Variants in PRKAR2A observed in about 807,000 individuals in gnomAD.
PRKAR2A encodes protein kinase cAMP-dependent type II regulatory subunit alpha.
A neutral mutation model predicts 51.9 loss-of-function variants in PRKAR2A; 29 were observed. The ratio of observed to expected loss-of-function variants is 0.56; its 90% CI spans 0.42 to 0.76. PRKAR2A has a LOEUF of 0.76. Among genes scored for constraint, PRKAR2A ranks in the 30% least tolerant of loss-of-function variants. PRKAR2A has a pLI of 0.00. For synonymous variants in PRKAR2A, 178 were observed against 186.2 expected, an observed-to-expected ratio of 0.96 and a Z score of 0.36; for missense variants, 445 against 512.1, an observed-to-expected ratio of 0.87 and a Z score of 1.26.
intron 6 of PRKAR2A, among the ~76,000 whole-genome samples, chr3:48,769,381 T>G (rs2081991459): frequency 6.6e-6 from 1 of 151,696 alleles, no homozygotes; most frequent in Non-Finnish European, 1.5e-5. Context: ...ATGGTCTCAA[T>G]CTCCTGACCT....
At position 48,835,064 on chromosome 3, in the gene PRKAR2A, C is replaced by T. The variant is rs201735396; in HGVS notation, c.262+12271G>A. Among the ~76,000 whole-genome samples, 35 of 151,768 alleles carry T rather than the reference C, an allele frequency of 2.3e-4. No homozygotes were observed. The East Asian group carries it at 6.7e-3, about 29-fold the overall frequency. ...TCAGGTCACTGCAATTTCCGCCTCC[C>T]GGGTTCAAGTGGTCTTCCCACCTCA... On this transcript the variant is annotated intron_variant, in intron 1 of 10. Coordinates refer to ENST00000265563, the MANE Select transcript of PRKAR2A (RefSeq NM_004157.4).
At chr3:48,811,005 C>T (rs527946112) in intron 1 of PRKAR2A, among the ~76,000 whole-genome samples, 5 of 151,848 alleles carry the variant, frequency 3.3e-5, no homozygotes, top group Admixed American at 6.6e-5. Flanking sequence ...AGAAAGACCC[C>T]GTGTCTTTAC....
rs1219139498 is a variant in PRKAR2A, at chr3:48,750,355, C to T, written c.*1230G>A. ...TCCAGCCTGGGCAACAAGAGCGAAA[C>T]TCCGTCTCAAAAAGAAAACAAAAAA... is the stretch of plus-strand genomic sequence containing the variant. On this transcript the variant is annotated 3_prime_UTR_variant, in exon 11 of 11. Transcript: ENST00000265563. 6.6e-6 allele frequency: 1 copy of T among 152,654 alleles called. No homozygotes were observed. The highest frequency in any genetic ancestry group is 1.5e-5 in the Non-Finnish European group (1 of 68,484). The allele number at this position is 152,654 out of a possible 1,614,324, so 9.5% of individuals were successfully genotyped here. A position where few individuals can be genotyped will look rare whatever the true frequency, so the allele number is the denominator to read the frequency against.
intron 2 of PRKAR2A, among the ~76,000 whole-genome samples, chr3:48,795,121 C>A (rs898875524): frequency 3.9e-5 from 6 of 151,966 alleles, no homozygotes; most frequent in Non-Finnish European, 8.8e-5. Flanking sequence ...GGACTACAGG[C>A]GCCTGCAACC....
chr3:48,834,159 CAGA>C (rs1402074471), intron 1 of PRKAR2A, among the ~76,000 whole-genome samples: 4 of 152,092 alleles, frequency 2.6e-5, no homozygotes, highest in South Asian at 4.2e-4. Context: ...AGTAAAAGCT[CAGA>C]AGGAGAGGAA....
chr3:48,840,879 C>CTTT (rs998914309), intron 1 of PRKAR2A, among the ~76,000 whole-genome samples: 16 of 100,752 alleles, frequency 1.6e-4, no homozygotes, highest in Non-Finnish European at 2.4e-4. Flanking sequence ...CCTGGCCCAC[C>CTTT]TTTTTTTTTT....
At chr3:48,760,245 T>A (rs1050895003) in intron 8 of PRKAR2A, among the ~76,000 whole-genome samples, 1 of 152,040 alleles carries the variant, frequency 6.6e-6, no homozygotes, top group Non-Finnish European at 1.5e-5. Context: ...TAGTTCCAGC[T>A]ACTCGGGAGG....
intron 1 of PRKAR2A, among the ~76,000 whole-genome samples, chr3:48,819,315 C>G (rs925041113): frequency 6.6e-6 from 1 of 152,208 alleles, no homozygotes; most frequent in African/African-American, 2.4e-5. Flanking sequence ...AACGCCCACC[C>G]TCAAACATTT....
In PRKAR2A at chr3:48,769,918, C is replaced by T. The variant is rs536923814; in HGVS notation, c.696+3037G>A. ...TCAGCGTCCCAAGTAGCTGGGACTA[C>T]AGGCATGTGCCGCCACATCAGCTAA... On this transcript the variant is annotated intron_variant, in intron 6 of 10. Transcript: ENST00000265563. Among the ~76,000 whole-genome samples, 155 of 152,252 alleles carry T rather than the reference C, an allele frequency of 1.0e-3. 1 individual carries two copies. Among genetic ancestry groups the T allele is most frequent in the South Asian group, 2.5e-3 (12 of 4,830 alleles).
At chr3:48,840,297 C>G (rs1166661855) in intron 1 of PRKAR2A, among the ~76,000 whole-genome samples, 1 of 151,910 alleles carries the variant, frequency 6.6e-6, no homozygotes, top group Non-Finnish European at 1.5e-5. Context: ...GAGTTTGAGA[C>G]CAGCCTGGCT....
chr3:48,845,922 G>A (rs1460456960), intron 1 of PRKAR2A, among the ~76,000 whole-genome samples: 1 of 151,954 alleles, frequency 6.6e-6, no homozygotes. Context: ...CCCCAGCCTG[G>A]GTGACAGAGC....
At chr3:48,814,075 C>T (rs2107380770) in intron 1 of PRKAR2A, among the ~76,000 whole-genome samples, 1 of 152,228 alleles carries the variant, frequency 6.6e-6, no homozygotes, top group Non-Finnish European at 1.5e-5. Flanking sequence ...TGGTGAAACC[C>T]TGTCCCTACT....
intron 1 of PRKAR2A, among the ~76,000 whole-genome samples, chr3:48,841,619 C>G (rs1483269637): frequency 1.4e-5 from 2 of 145,692 alleles, no homozygotes; most frequent in Non-Finnish European, 3.0e-5. Context: ...TATGATAATT[C>G]TATGTTTAAC....
At chr3:48,768,368 CAG>C (rs752944715) in intron 6 of PRKAR2A, among the ~76,000 whole-genome samples, 7 of 151,800 alleles carry the variant, frequency 4.6e-5, no homozygotes, top group South Asian at 4.2e-4. Flanking sequence ...GACAGACAGA[CAG>C]ACACACACAC....
chr3:48,755,572 A>G (rs2107201251), intron 9 of PRKAR2A, among the ~76,000 whole-genome samples: 1 of 150,504 alleles, frequency 6.6e-6, no homozygotes, highest in East Asian at 2.0e-4. Context: ...CATCCCTTCC[A>G]ATCTCTTTTT....
At chr3:48,789,364 T>C (rs1300009566) in intron 4 of PRKAR2A, among the ~76,000 whole-genome samples, 1 of 152,164 alleles carries the variant, frequency 6.6e-6, no homozygotes, top group Non-Finnish European at 1.5e-5. Context: ...GCCTTTTCCA[T>C]CTTAACCAAG....
rs145572457 is a variant in PRKAR2A at position 48,782,259 on chromosome 3, G to C, written c.542+727C>G. 9.9e-5 allele frequency among the ~76,000 whole-genome samples: 15 copies of C among 152,224 alleles called. No individual in the cohort carries two copies. In the East Asian group the frequency reaches 2.9e-3, roughly 29 times the overall value. Reference sequence around the variant, plus strand: ...TAATCTTTTCCTAATACTTAGATCTGAGCCAGAGGGGTTAAGGTCAGGGCA... The same window carrying C: ...TAATCTTTTCCTAATACTTAGATCTCAGCCAGAGGGGTTAAGGTCAGGGCA... On this transcript the variant is annotated intron_variant, in intron 5 of 10. Coordinates refer to ENST00000265563, the MANE Select transcript of PRKAR2A (RefSeq NM_004157.4).
chr3:48,838,948 C>T (rs1340801364), intron 1 of PRKAR2A, among the ~76,000 whole-genome samples: 2 of 151,164 alleles, frequency 1.3e-5, no homozygotes, highest in African/African-American at 4.9e-5. Context: ...CGCGCCACTG[C>T]ACTCCAGCCT....
chr3:48,796,252 T>C (rs2082489552), intron 2 of PRKAR2A, among the ~76,000 whole-genome samples: 1 of 152,160 alleles, frequency 6.6e-6, no homozygotes, highest in Admixed American at 6.6e-5. Flanking sequence ...GCATGAACAG[T>C]GGTGACTTCT....
Sources: gnomAD v4.1 joint callset for allele counts (sites outside exome capture counted in the v4.1 genomes callset) on GRCh38, gnomAD v4.1.1 for gene constraint, MANE v1.5 for transcripts, NCBI Gene and HGNC (gene_info 2026-07-23, HGNC 2026-07-21) for gene names.